NINJ2: variants seen among roughly 807,000 people sequenced by gnomAD.
The protein encoded by NINJ2 is ninjurin-2.
A neutral mutation model predicts 11.7 loss-of-function variants in NINJ2; 12 were observed. That is an observed-to-expected ratio of 1.02 (90% CI 0.66 to 1.66). The LOEUF (loss-of-function observed/expected upper bound fraction) is 1.66. Ranked by LOEUF, NINJ2 falls within the 40% of genes most tolerant of loss-of-function variation. The pLI is 0.00. For missense variants in NINJ2, 187 were observed against 181.8 expected (o/e 1.03, Z -0.16); for synonymous variants, 93 against 76.8 (o/e 1.21, Z -1.10).
intron 1 of NINJ2, chr12:644,522 A>C (rs566677366): frequency 6.6e-6 from 1 of 152,270 alleles, no homozygotes; most frequent in African/African-American, 2.4e-5. Context: ...GGCAGTGTAC[A>C]GTGCAGAAAC....
At chr12:601,355 G>A (rs982484799) in intron 1 of NINJ2, among the ~76,000 whole-genome samples, 11 of 147,682 alleles carry the variant, frequency 7.4e-5, no homozygotes, top group Admixed American at 2.0e-4. Flanking sequence ...GACCATCCTG[G>A]CTAACACAGT....
intron 1 of NINJ2, among the ~76,000 whole-genome samples, chr12:601,312 T>C (rs189413645): frequency 0.05 from 7,334 of 147,050 alleles, 269 homozygotes; most frequent in Non-Finnish European, 0.06. Flanking sequence ...TTTGGGAGGC[T>C]GAGGCGGGCG....
Position 658,716 on chromosome 12 carries a change from CTA to C in NINJ2, c.33+4610_33+4611del, listed in dbSNP as rs1491107707. Among the ~76,000 whole-genome samples the C allele has an allele frequency of 4.7e-5, 7 of 149,086 alleles. No individual in the cohort carries two copies. The East Asian group carries it at 1.4e-3, about 29-fold the overall frequency. Reference sequence around the variant, plus strand: ...CTATGCTATGCTATGCTATGCTATGCTATGCTATGCTAATGCTATGCTATGCT... The same window carrying C: ...CTATGCTATGCTATGCTATGCTATGCTGCTATGCTAATGCTATGCTATGCT... On this transcript the variant is annotated intron_variant, in intron 1 of 3. Coordinates refer to ENST00000305108, the MANE Select transcript of NINJ2 (RefSeq NM_016533.6).
At chr12:621,054 C>T (rs1166667431) in intron 1 of NINJ2, among the ~76,000 whole-genome samples, 1 of 152,190 alleles carries the variant, frequency 6.6e-6, no homozygotes, top group Non-Finnish European at 1.5e-5. Flanking sequence ...ACAAGCACTC[C>T]TGAGTCTCTA....
chr12:609,584 A>G (rs12812622), intron 1 of NINJ2, among the ~76,000 whole-genome samples: 3,751 of 151,922 alleles, frequency 0.025, 79 homozygotes, highest in African/African-American at 0.057. Flanking sequence ...CCTGGTTAAC[A>G]TGGTGAAACC....
chr12:598,121 G>A (rs2120894483), intron 1 of NINJ2, among the ~76,000 whole-genome samples: 1 of 152,314 alleles, frequency 6.6e-6, no homozygotes, highest in East Asian at 1.9e-4. Flanking sequence ...GGGAAGAACT[G>A]CTCACTCACA....
At chr12:647,885 A>G (rs1937714241) in intron 1 of NINJ2, among the ~76,000 whole-genome samples, 1 of 152,104 alleles carries the variant, frequency 6.6e-6, no homozygotes, top group Admixed American at 6.5e-5. Flanking sequence ...GCAAAAAGAA[A>G]ACCTAGGTTT....
At chr12:604,765 A>G (rs932634852) in intron 1 of NINJ2, among the ~76,000 whole-genome samples, 35 of 152,204 alleles carry the variant, frequency 2.3e-4, no homozygotes, top group African/African-American at 8.2e-4. Flanking sequence ...GACGAGGTAC[A>G]GACCTGAGAT....
chr12:610,593 C>T lies in NINJ2; in HGVS notation c.34-44415G>A, dbSNP rs1034328959. The T allele has an allele frequency of 1.7e-5, 17 of 985,266 alleles. No individual in the cohort carries two copies. The African/African-American group carries it at 2.8e-4, about 16-fold the overall frequency. 61.0% of individuals were successfully genotyped at this position (985,266 alleles called of 1,614,324 possible). On this transcript the variant is annotated intron_variant, in intron 1 of 3. Transcript: ENST00000305108. ...GTTAGCTGCTCTGAGCGACTCTGTT[C>T]AGCCCAGCCACAGGAGGGGGTTACC...
intron 1 of NINJ2, among the ~76,000 whole-genome samples, chr12:635,148 G>A (rs974165780): frequency 2.0e-5 from 3 of 151,320 alleles, no homozygotes; most frequent in African/African-American, 4.9e-5. Context: ...CCGCCTCCCC[G>A]GTTCAAGTGA....
At chr12:629,896 A>AAAATATATATATATATATAT in intron 1 of NINJ2, among the ~76,000 whole-genome samples, 1 of 9,892 alleles carries the variant, frequency 1.0e-4, no homozygotes, top group African/African-American at 1.5e-4. Flanking sequence ...AAAAAAAAAA[A>AAAATATATATATATATATAT]ATATATATAT....
At chr12:655,488 CTGAAACTT>C (rs1937860649) in intron 1 of NINJ2, among the ~76,000 whole-genome samples, 1 of 152,166 alleles carries the variant, frequency 6.6e-6, no homozygotes, top group Admixed American at 6.6e-5. Context: ...CAAGTAGAAT[CTGAAACTT>C]AAAACACTAC....
intron 1 of NINJ2, among the ~76,000 whole-genome samples, chr12:650,124 C>T (rs6489701): frequency 1.3e-5 from 2 of 151,060 alleles, no homozygotes. Flanking sequence ...TCACTTTGTT[C>T]CCCAGGCTGG....
chr12:628,343 T>C lies in NINJ2; in HGVS notation c.33+34985A>G, dbSNP rs1459839613. On this transcript the variant is annotated intron_variant, in intron 1 of 3. Coordinates refer to ENST00000305108, the MANE Select transcript of NINJ2 (RefSeq NM_016533.6). The surrounding 1 kb of genome is among the most constrained non-coding windows in gnomAD (Gnocchi z 4.4). ...AAGCCTCCTCATAGAGATCTCAGAG[T>C]ACATAGGAAGGAGCCAGGTCTTTCC... 1.3e-5 allele frequency among the ~76,000 whole-genome samples: 2 copies of C among 151,780 alleles called. No individual in the cohort carries two copies. The highest frequency in any genetic ancestry group is 4.8e-5 in the African/African-American group (2 of 41,352).
intron 1 of NINJ2, among the ~76,000 whole-genome samples, chr12:573,587 A>G (rs1323208187): frequency 6.6e-6 from 1 of 152,084 alleles, no homozygotes; most frequent in Non-Finnish European, 1.5e-5. Context: ...TAAAACAAAA[A>G]AAACAGAAAA....
chr12:571,838 A>G (rs867102871), intron 1 of NINJ2, among the ~76,000 whole-genome samples: 12 of 152,352 alleles, frequency 7.9e-5, no homozygotes, highest in Non-Finnish European at 1.3e-4. Flanking sequence ...ACAAGATTAC[A>G]GGGCTGTTCT....
intron 1 of NINJ2, 144 bp from the exon 2 acceptor site, chr12:566,322 G>C (rs899119495): frequency 1.1e-5 from 7 of 658,770 alleles, no homozygotes; most frequent in Non-Finnish European, 1.8e-5. Flanking sequence ...TTCATGGCCT[G>C]ATAAAATGAA....
chr12:583,606 C>T (rs938901625), intron 1 of NINJ2, among the ~76,000 whole-genome samples: 1 of 152,238 alleles, frequency 6.6e-6, no homozygotes, highest in African/African-American at 2.4e-5. Context: ...CCCAGCCTTG[C>T]CCATGCTGAA....
At chr12:601,504 G>GT in intron 1 of NINJ2, among the ~76,000 whole-genome samples, 1 of 143,362 alleles carries the variant, frequency 7.0e-6, no homozygotes, top group South Asian at 2.3e-4. Context: ...GCCAAGATCA[G>GT]GCCACTGCAC....
Sources: allele counts gnomAD v4.1 joint callset (sites outside exome capture counted in the v4.1 genomes callset), GRCh38; gene constraint gnomAD v4.1.1; non-coding constraint Gnocchi (gnomAD v3.1); transcripts MANE v1.5; gene names NCBI Gene and HGNC (gene_info 2026-07-23, HGNC 2026-07-21).